RYR3: variants seen among roughly 807,000 people sequenced by gnomAD.
The protein encoded by RYR3 is ryanodine receptor 3.
Under a neutral mutation model 584.3 loss-of-function variants are expected in RYR3, and 207 were observed. The observed-to-expected ratio is 0.35, with a 90% CI of 0.32 to 0.40. The LOEUF (loss-of-function observed/expected upper bound fraction) is 0.40, where lower values mean the gene tolerates loss of function less well. RYR3 is among the 10% of genes least tolerant of loss of function. The probability of loss-of-function intolerance (pLI) is 1.00; values close to 1 mark genes in which losing one functional copy is unlikely to be tolerated. For missense variants in RYR3, 5,616 were observed against 6,089.2 expected (o/e 0.92, Z 2.59); for synonymous variants, 2,416 against 2,248.5 (o/e 1.07, Z -2.11).
At chr15:33,694,707 G>A (rs2065712736) in intron 38 of RYR3, among the ~76,000 whole-genome samples, 2 of 152,198 alleles carry the variant, frequency 1.3e-5, no homozygotes, top group African/African-American at 4.8e-5. Context: ...TTTGCCCCTA[G>A]AGGATACAGA....
At chr15:33,386,091 T>C (rs2041582629) in intron 1 of RYR3, among the ~76,000 whole-genome samples, 2 of 152,222 alleles carry the variant, frequency 1.3e-5, no homozygotes, top group Non-Finnish European at 2.9e-5. Context: ...TTTAAAAGGC[T>C]AAAAAGAAAA....
chr15:33,628,343 C>G (rs2061098945), intron 20 of RYR3, 128 bp from the exon 21 acceptor site: 2 of 627,422 alleles, frequency 3.2e-6, no homozygotes, highest in Non-Finnish European at 5.7e-6. Flanking sequence ...GTGGGTCAGG[C>G]AGCATGAGGT....
chr15:33,644,219 C>T, intron 27 of RYR3, 92 bp from the exon 28 acceptor site: 2 of 939,514 alleles, frequency 2.1e-6, no homozygotes, highest in Non-Finnish European at 3.3e-6. Context: ...TACTGGGAGT[C>T]AAAGCCCTTA....
intron 64 of RYR3, among the ~76,000 whole-genome samples, chr15:33,776,471 C>A (rs1334173304): frequency 6.6e-6 from 1 of 152,212 alleles, no homozygotes; most frequent in Non-Finnish European, 1.5e-5. Flanking sequence ...CACTGGGTCT[C>A]AGTTTTGTTT....
chr15:33,646,916 G>A (rs2062135790), intron 29 of RYR3, among the ~76,000 whole-genome samples: 1 of 152,162 alleles, frequency 6.6e-6, no homozygotes, highest in Non-Finnish European at 1.5e-5. Context: ...CATAGCTATG[G>A]GCATTGTCCA....
intron 2 of RYR3, among the ~76,000 whole-genome samples, chr15:33,487,108 G>A (rs1249021722): frequency 1.8e-4 from 27 of 152,086 alleles, no homozygotes; most frequent in Non-Finnish European, 5.9e-5. Flanking sequence ...CAAGGCATGA[G>A]AATGGCTTGA....
intron 1 of RYR3, among the ~76,000 whole-genome samples, chr15:33,450,109 A>AAAAAAAAAAC (rs1420732027): frequency 6.8e-6 from 1 of 147,042 alleles, no homozygotes; most frequent in Non-Finnish European, 1.5e-5. Flanking sequence ...AAAAAAAAAA[A>AAAAAAAAAAC]AAGCCGGCAA....
intron 52 of RYR3, among the ~76,000 whole-genome samples, chr15:33,744,497 A>G (rs2070481031): frequency 6.6e-6 from 1 of 152,182 alleles, no homozygotes; most frequent in East Asian, 1.9e-4. Context: ...TTGTGGGAGA[A>G]ACAAAATGAA....
chr15:33,655,019 G>T (rs1196542595), intron 32 of RYR3, among the ~76,000 whole-genome samples: 1 of 152,238 alleles, frequency 6.6e-6, no homozygotes, highest in Non-Finnish European at 1.5e-5. Flanking sequence ...GGAGCAGCCT[G>T]TTGGCACAGA....
chr15:33,685,126 C>T (rs1190387456), intron 38 of RYR3, among the ~76,000 whole-genome samples: 1 of 152,252 alleles, frequency 6.6e-6, no homozygotes, highest in East Asian at 1.9e-4. Context: ...GGGCTAAATG[C>T]CCCAATTAAA....
chr15:33,653,487 T>C (rs978645825), intron 32 of RYR3, among the ~76,000 whole-genome samples: 1 of 152,020 alleles, frequency 6.6e-6, no homozygotes. Context: ...CTGGCTAGCA[T>C]AGTGAAACCT....
intron 1 of RYR3, among the ~76,000 whole-genome samples, chr15:33,448,133 C>T (rs567891221): frequency 1.3e-5 from 2 of 152,340 alleles, no homozygotes; most frequent in East Asian, 1.9e-4. Flanking sequence ...AGTTTCTTCT[C>T]TCTTGTCTTG....
chr15:33,732,265 G>C (rs1424825711), intron 48 of RYR3, among the ~76,000 whole-genome samples: 4 of 151,628 alleles, frequency 2.6e-5, no homozygotes, highest in Non-Finnish European at 5.9e-5. Flanking sequence ...GCAGACGCCT[G>C]TAGTCCCAGC....
chr15:33,682,476 T>C (rs900785540), intron 38 of RYR3, among the ~76,000 whole-genome samples: 4 of 152,086 alleles, frequency 2.6e-5, no homozygotes, highest in Admixed American at 2.6e-4. Context: ...AGCTTATACA[T>C]CATATATTTG....
rs184309255 is a variant in RYR3 at position 33,717,739 on chromosome 15, G to T, written c.6620-4976G>T. ...GGAAAGCTCTGCTGCAGGTCCACAG[G>T]TCTGCGGGGGTGGCTCTGTTCCACT... On this transcript the variant is annotated intron_variant, in intron 43 of 103. Transcript: ENST00000634891. Among the ~76,000 whole-genome samples the T allele has an allele frequency of 1.4e-3, 216 of 152,276 alleles. 4 individuals carry two copies. The highest frequency in any genetic ancestry group is 5.0e-3 in the African/African-American group (208 of 41,546).
chr15:33,336,930 T>C (rs962249921), intron 1 of RYR3, among the ~76,000 whole-genome samples: 24 of 150,396 alleles, frequency 1.6e-4, no homozygotes, highest in Admixed American at 6.0e-4. Context: ...TGGTGGCGGG[T>C]GCCTGTAGTC....
At chr15:33,794,042 A>G (rs2075346493) in intron 67 of RYR3, among the ~76,000 whole-genome samples, 1 of 118,370 alleles carries the variant, frequency 8.4e-6, no homozygotes, top group African/African-American at 3.7e-5. Flanking sequence ...ATACATAAAT[A>G]CATATATATA....
Position 33,841,952 on chromosome 15 carries a change from C to A in RYR3, c.13126C>A (p.Arg4376=). ...WTEVTKKKKR[R]CGQKVEKPEA... is the part of the protein sequence containing the mutation. ...AGAAGTGACAAAAAAGAAGAAGCGG[C>A]GGTGTGGTCAGAAGGTTGAGAAGCC... Residue 4376 remains arginine (R), a synonymous_variant, in exon 91 of 104, where the codon CGG becomes AGG. Transcript: ENST00000634891. 1 of 1,601,328 alleles carries A rather than the reference C, an allele frequency of 6.2e-7. No homozygotes were observed. The highest frequency in any genetic ancestry group is 1.1e-5 in the South Asian group (1 of 88,518).
rs1008761362 is a variant in RYR3, at chr15:33,821,267, C to A, written c.10816-3C>A. The A allele has an allele frequency of 1.3e-6, 2 of 1,587,246 alleles. No homozygotes were observed. Among genetic ancestry groups the A allele is most frequent in the South Asian group, 1.2e-5 (1 of 86,512 alleles). ...CTTTCCCTGTGATTTTTTTTCCCCCCAGGAGAAAGAGATGGAGAAGCAAAA... is the reference window on the plus strand; with the variant it reads ...CTTTCCCTGTGATTTTTTTTCCCCCAAGGAGAAAGAGATGGAGAAGCAAAA... On this transcript the variant is annotated splice_polypyrimidine_tract_variant and splice_region_variant and intron_variant, in intron 78 of 103. Coordinates refer to ENST00000634891, the MANE Select transcript of RYR3 (RefSeq NM_001036.6).
Sources: gnomAD v4.1 joint callset for allele counts (sites outside exome capture counted in the v4.1 genomes callset) on GRCh38, gnomAD v4.1.1 for gene constraint, MANE v1.5 for transcripts, NCBI Gene and HGNC (gene_info 2026-07-23, HGNC 2026-07-21) for gene names.